The following NHS variants were observed in gnomAD, a reference collection of about 807,000 sequenced individuals.
NHS encodes the protein actin remodeling regulator NHS.
NHS carries 5 observed loss-of-function variants against 72.5 expected under a neutral mutation model. That is an observed-to-expected ratio of 0.07 (90% CI 0.04 to 0.14). The LOEUF is 0.14. Among genes scored for constraint, NHS ranks in the 10% least tolerant of loss-of-function variants. The pLI, the probability that NHS is intolerant of heterozygous loss-of-function variation, is 1.00. For missense variants in NHS, 1,072 were observed against 1,355.7 expected, an observed-to-expected ratio of 0.79 and a Z score of 3.29; for synonymous variants, 464 against 547.7, an observed-to-expected ratio of 0.85 and a Z score of 2.13.
intron 2 of NHS, among the ~76,000 whole-genome samples, chrX:17,691,954 G>A (rs1002371527): frequency 2.7e-5 from 3 of 111,726 alleles, no homozygotes; most frequent in Non-Finnish European, 3.8e-5. Context: ...TGGGTGGGCC[G>A]GGCAGCTCTG....
At chrX:17,545,343 C>T (rs1007392043) in intron 1 of NHS, among the ~76,000 whole-genome samples, 5 of 112,283 alleles carry the variant, frequency 4.5e-5, no homozygotes, top group African/African-American at 1.6e-4. Context: ...TTTTCTGTTT[C>T]AACATTTGGC....
chrX:17,423,893 A>G (rs1351816770), intron 1 of NHS, among the ~76,000 whole-genome samples: 1 of 112,308 alleles, frequency 8.9e-6, no homozygotes, highest in African/African-American at 3.2e-5. Flanking sequence ...TGCATATTTC[A>G]CAGACCAAAG....
At chrX:17,574,726 A>G (rs906799364) in intron 1 of NHS, among the ~76,000 whole-genome samples, 9 of 110,847 alleles carry the variant, frequency 8.1e-5, no homozygotes, top group Admixed American at 7.6e-4. Flanking sequence ...ACCAGTCCCA[A>G]TGAGATGAAC....
chrX:17,506,191 AG>A (rs1244179088), intron 1 of NHS, among the ~76,000 whole-genome samples: 5 of 111,258 alleles, frequency 4.5e-5, no homozygotes, highest in Non-Finnish European at 7.5e-5. Flanking sequence ...CGGCACCCAC[AG>A]GCTGCTTTTC....
intron 1 of NHS, among the ~76,000 whole-genome samples, chrX:17,410,039 G>A (rs989699181): frequency 1.8e-5 from 2 of 111,531 alleles, no homozygotes; most frequent in African/African-American, 6.5e-5. Context: ...GTGAGATTCA[G>A]AGAATGAAAC....
intron 1 of NHS, among the ~76,000 whole-genome samples, chrX:17,499,055 T>C (rs1460223064): frequency 8.9e-6 from 1 of 111,972 alleles, no homozygotes; most frequent in South Asian, 3.7e-4. Context: ...GATGAAAAAT[T>C]GGGCAAGTCT....
At chrX:17,427,177 A>G (rs1437698808) in intron 1 of NHS, among the ~76,000 whole-genome samples, 1 of 111,585 alleles carries the variant, frequency 9.0e-6, no homozygotes, top group Admixed American at 9.5e-5. Context: ...AAAATTCCTT[A>G]AAAGAGGTGT....
At chrX:17,624,886 C>T (rs2065790401) in intron 1 of NHS, among the ~76,000 whole-genome samples, 1 of 112,108 alleles carries the variant, frequency 8.9e-6, no homozygotes. Context: ...CGCTACCAAG[C>T]CCCTCTAGAA....
At position 17,504,734 on chromosome X, in the gene NHS, T is replaced by C. The variant is rs980999769; in HGVS notation, c.565+128412T>C. On this transcript the variant is annotated intron_variant, in intron 1 of 8. Coordinates refer to ENST00000676302, the MANE Select transcript of NHS (RefSeq NM_001291867.2). Reference sequence around the variant, plus strand: ...TGGGTCACCACATGTGGCAACGCAGTGTTTCCATTTGCTGATTTATTATTT... The same window carrying C: ...TGGGTCACCACATGTGGCAACGCAGCGTTTCCATTTGCTGATTTATTATTT... Among the ~76,000 whole-genome samples the C allele has an allele frequency of 2.7e-5, 3 of 112,243 alleles. No homozygotes were observed. In the Admixed American group the frequency reaches 2.8e-4, roughly 11 times the overall value.
At chrX:17,579,187 A>G (rs960232608) in intron 1 of NHS, among the ~76,000 whole-genome samples, 1 of 112,263 alleles carries the variant, frequency 8.9e-6, no homozygotes, top group Non-Finnish European at 1.9e-5. Context: ...GTTTTAAAGC[A>G]AGTAAAAAGT....
At chrX:17,427,673 G>T (rs1469103553) in intron 1 of NHS, among the ~76,000 whole-genome samples, 1 of 112,455 alleles carries the variant, frequency 8.9e-6, no homozygotes, top group Non-Finnish European at 1.9e-5. Context: ...CAGAAGTACA[G>T]TTCTGTCTTG....
intron 1 of NHS, among the ~76,000 whole-genome samples, chrX:17,416,471 A>G (rs1443517465): frequency 1.8e-5 from 2 of 111,923 alleles, no homozygotes; most frequent in Non-Finnish European, 3.8e-5. Context: ...CACTGCAAAC[A>G]ACTCCTACTC....
chrX:17,551,694 G>T (rs1043596024), intron 1 of NHS, among the ~76,000 whole-genome samples: 1 of 111,722 alleles, frequency 9.0e-6, no homozygotes, highest in Admixed American at 9.4e-5. Context: ...CAAGTGCAGA[G>T]AATCAAATGA....
At chrX:17,472,660 C>T (rs2064897328) in intron 1 of NHS, among the ~76,000 whole-genome samples, 1 of 112,202 alleles carries the variant, frequency 8.9e-6, no homozygotes, top group Non-Finnish European at 1.9e-5. Flanking sequence ...AGGAAATGTT[C>T]CCTGCAAATC....
intron 1 of NHS, among the ~76,000 whole-genome samples, chrX:17,396,459 T>C (rs1296031312): frequency 9.0e-6 from 1 of 111,567 alleles, no homozygotes; most frequent in African/African-American, 3.3e-5. Context: ...TATGATCTCC[T>C]AATGAGCCAC....
intron 1 of NHS, among the ~76,000 whole-genome samples, chrX:17,429,460 G>T (rs2064676728): frequency 9.0e-6 from 1 of 111,570 alleles, no homozygotes; most frequent in Non-Finnish European, 1.9e-5. Flanking sequence ...AACTTTATTG[G>T]TTTTTAGGCC....
intron 1 of NHS, among the ~76,000 whole-genome samples, chrX:17,677,673 G>A (rs983909515): frequency 1.8e-5 from 2 of 111,628 alleles, no homozygotes; most frequent in Non-Finnish European, 3.8e-5. Context: ...TGCTCCTTGC[G>A]GTCTGTGTTA....
At chrX:17,505,664 A>G (rs1380883853) in intron 1 of NHS, among the ~76,000 whole-genome samples, 1 of 109,201 alleles carries the variant, frequency 9.2e-6, no homozygotes, top group Non-Finnish European at 1.9e-5. Context: ...GCAGAGGCTC[A>G]AAGAGGGAAA....
At chrX:17,635,640 GA>G in intron 1 of NHS, 1 of 1,142,377 alleles carries the variant, frequency 8.8e-7, no homozygotes, top group Non-Finnish European at 1.2e-6. Context: ...AGACAAAGGG[GA>G]GGGGGAGGCT....
Sources: allele counts gnomAD v4.1 joint callset (sites outside exome capture counted in the v4.1 genomes callset), GRCh38; gene constraint gnomAD v4.1.1; transcripts MANE v1.5; gene names NCBI Gene and HGNC (gene_info 2026-07-23, HGNC 2026-07-21).